SLC24A2: variants seen among roughly 807,000 people sequenced by gnomAD.
The protein encoded by SLC24A2 is solute carrier family 24 member 2.
SLC24A2 carries 36 observed loss-of-function variants against 62.0 expected under a neutral mutation model. The ratio of observed to expected loss-of-function variants is 0.58; its 90% confidence interval spans 0.44 to 0.77. The LOEUF is 0.77. Ranked by LOEUF, SLC24A2 falls within the 30% of genes least tolerant of loss-of-function variation. The pLI is 0.00. For synonymous variants in SLC24A2, 358 were observed against 294.0 expected (o/e 1.22, Z -2.23); for missense variants, 846 against 817.9 (o/e 1.03, Z -0.42).
intron 2 of SLC24A2, among the ~76,000 whole-genome samples, chr9:19,716,528 T>A (rs1820865278): frequency 6.6e-6 from 1 of 152,230 alleles, no homozygotes; most frequent in Admixed American, 6.5e-5. Flanking sequence ...CCAGGGGAGA[T>A]CTGATTTATC....
chr9:19,636,153 A>G (rs1409887407), intron 2 of SLC24A2, among the ~76,000 whole-genome samples: 1 of 152,180 alleles, frequency 6.6e-6, no homozygotes, highest in African/African-American at 2.4e-5. Flanking sequence ...GCTCTAGACA[A>G]AAGTACCCAT....
In SLC24A2 at chr9:19,523,134, T is replaced by C. The variant is rs112747533; in HGVS notation, c.1570-2074A>G. Among the ~76,000 whole-genome samples, 366 of 152,318 alleles carry C rather than the reference T, an allele frequency of 2.4e-3. 3 individuals carry two copies. Among genetic ancestry groups the C allele is most frequent in the African/African-American group, 8.3e-3 (344 of 41,576 alleles). On this transcript the variant is annotated intron_variant, in intron 9 of 10. Transcript: ENST00000341998. ...ACATTTGAGACCAGACTGGGCAATA[T>C]AGCAAGACCTTGTCCCCGAAATATA...
At chr9:19,976,036 C>T in the SLC24A2 span, among the ~76,000 whole-genome samples, 5 of 152,140 alleles carry the variant, frequency 3.3e-5, no homozygotes, top group African/African-American at 9.6e-5. Flanking sequence ...GGCACCACAC[C>T]CAGCTAATTT....
chr9:20,224,796 C>T, the SLC24A2 span, among the ~76,000 whole-genome samples: 1 of 152,166 alleles, frequency 6.6e-6, no homozygotes, highest in South Asian at 2.1e-4. Context: ...AGATCATTTT[C>T]GTGGGGCTAA....
At chr9:19,844,554 G>A in the SLC24A2 span, among the ~76,000 whole-genome samples, 1 of 151,856 alleles carries the variant, frequency 6.6e-6, no homozygotes, top group South Asian at 2.1e-4. Context: ...TGTTGTTTTT[G>A]CAATTGCTTT....
In SLC24A2 at chr9:19,786,850, C is replaced by T. The variant is rs766837386; in HGVS notation, c.17G>A (p.Ser6Asn). 2 of 1,610,878 alleles carry T rather than the reference C, an allele frequency of 1.2e-6. No individual in the cohort carries two copies. Among genetic ancestry groups the T allele is most frequent in the Non-Finnish European group, 1.7e-6 (2 of 1,179,934 alleles). MDLQQ[S>N]TTITSLEKWC... ...TTTCTCTAGGGAAGTGATGGTGGTG[C>T]TTTGTTGCAGATCCATCCTGGGTCT... Residue 6 changes from serine (S) to asparagine (N), a missense_variant, in exon 2 of 11, where the codon AGC (serine) becomes AAC (asparagine). Transcript: ENST00000341998. The surrounding 1 kb of genome is among the most constrained non-coding windows in gnomAD (Gnocchi z 5.0).
At chr9:19,855,860 G>GATA in the SLC24A2 span, among the ~76,000 whole-genome samples, 3 of 152,148 alleles carry the variant, frequency 2.0e-5, no homozygotes, top group Admixed American at 1.3e-4. Context: ...AGTTCTCCTG[G>GATA]ATAATATCTT....
intron 2 of SLC24A2, among the ~76,000 whole-genome samples, chr9:19,702,777 A>G (rs1175682584): frequency 1.3e-5 from 2 of 152,158 alleles, no homozygotes; most frequent in African/African-American, 2.4e-5. Context: ...TAAAATTTAA[A>G]TGTTTATTTA....
the SLC24A2 span, among the ~76,000 whole-genome samples, chr9:20,231,899 G>A: frequency 5.0e-4 from 76 of 152,210 alleles, no homozygotes; most frequent in Middle Eastern, 3.4e-3. Context: ...ATTATTTTGA[G>A]ATATGTCCCA....
At chr9:20,122,661 G>T in the SLC24A2 span, among the ~76,000 whole-genome samples, 1 of 152,122 alleles carries the variant, frequency 6.6e-6, no homozygotes, top group Non-Finnish European at 1.5e-5. Context: ...ACTCCAGCCT[G>T]GGCGACAGAG....
At chr9:19,784,477 AAGACATCG>A (rs2118940083) in intron 2 of SLC24A2, among the ~76,000 whole-genome samples, 1 of 152,366 alleles carries the variant, frequency 6.6e-6, no homozygotes, top group South Asian at 2.1e-4. Context: ...AGAAATTTAT[AAGACATCG>A]AATCATTTCC....
chr9:20,101,814 G>C, the SLC24A2 span, among the ~76,000 whole-genome samples: 1 of 152,090 alleles, frequency 6.6e-6, no homozygotes, highest in East Asian at 1.9e-4. Flanking sequence ...TTAAGGGAAG[G>C]GAGGGTACCA....
At chr9:20,147,278 G>C in the SLC24A2 span, among the ~76,000 whole-genome samples, 1 of 152,210 alleles carries the variant, frequency 6.6e-6, no homozygotes, top group East Asian at 1.9e-4. Context: ...TCTGAGATTT[G>C]AGATTGCCTC....
chr9:19,993,452 A>T, the SLC24A2 span, among the ~76,000 whole-genome samples: 1 of 152,190 alleles, frequency 6.6e-6, no homozygotes, highest in Non-Finnish European at 1.5e-5. Context: ...TGTCTTTCCT[A>T]AAATTTATTT....
the SLC24A2 span, among the ~76,000 whole-genome samples, chr9:20,150,836 T>C: frequency 6.6e-6 from 1 of 151,940 alleles, no homozygotes; most frequent in African/African-American, 2.4e-5. Flanking sequence ...TATTTACATG[T>C]AATATATAGA....
At chr9:20,196,288 C>T in the SLC24A2 span, among the ~76,000 whole-genome samples, 1 of 152,194 alleles carries the variant, frequency 6.6e-6, no homozygotes, top group South Asian at 2.1e-4. Context: ...AAGGCTTTCA[C>T]TGCAGCATTA....
the SLC24A2 span, among the ~76,000 whole-genome samples, chr9:20,119,787 T>C: frequency 6.6e-6 from 1 of 152,182 alleles, no homozygotes; most frequent in South Asian, 2.1e-4. Context: ...GTAATAGTCA[T>C]AAAGATTAGA....
At chr9:19,878,389 C>T in the SLC24A2 span, among the ~76,000 whole-genome samples, 3 of 152,084 alleles carry the variant, frequency 2.0e-5, no homozygotes, top group African/African-American at 7.2e-5. Context: ...AAAAATTAAT[C>T]CTGCTTATTA....
Position 19,673,318 on chromosome 9 carries a change from TG to T in SLC24A2, c.931-51020del, listed in dbSNP as rs1411491150. ...CCTCTTTGTTCTTTTTCACTGCTAT[TG>T]CTTTAAAGTTTGTTTTGTCTTATGT... On this transcript the variant is annotated intron_variant, in intron 2 of 10. Coordinates refer to ENST00000341998, the MANE Select transcript of SLC24A2 (RefSeq NM_020344.4). Among the ~76,000 whole-genome samples the T allele has an allele frequency of 3.4e-5, 5 of 146,782 alleles. 1 individual carries two copies. Among genetic ancestry groups the T allele is most frequent in the Non-Finnish European group, 7.4e-5 (5 of 67,528 alleles).
Sources: gnomAD v4.1 joint callset for allele counts (sites outside exome capture counted in the v4.1 genomes callset) on GRCh38, gnomAD v4.1.1 for gene constraint, Gnocchi (gnomAD v3.1) non-coding constraint, MANE v1.5 for transcripts, NCBI Gene and HGNC (gene_info 2026-07-23, HGNC 2026-07-21) for gene names.